The following RAB38 variants were observed in gnomAD, a reference collection of about 807,000 sequenced individuals.
RAB38 encodes ras-related protein Rab-38.
A neutral mutation model predicts 18.4 loss-of-function variants in RAB38; 15 were observed. That is an observed-to-expected ratio of 0.82 (90% CI 0.55 to 1.26). The LOEUF (loss-of-function observed/expected upper bound fraction) is 1.26, where lower values mean the gene tolerates loss of function less well. RAB38 is among the 50% of genes most tolerant of loss of function. The probability of loss-of-function intolerance (pLI) is 0.00; values close to 1 mark genes in which losing one functional copy is unlikely to be tolerated. For missense variants in RAB38, 294 were observed against 267.4 expected, an observed-to-expected ratio of 1.10 and a Z score of -0.69; for synonymous variants, 101 against 104.4, an observed-to-expected ratio of 0.97 and a Z score of 0.20.
At chr11:87,937,870 G>GTTTTTT in the RAB38 span, among the ~76,000 whole-genome samples, 2 of 92,016 alleles carry the variant, frequency 2.2e-5, no homozygotes, top group Admixed American at 1.2e-4. Flanking sequence ...TCATTGAAGT[G>GTTTTTT]TTTTTTTTTT....
chr11:87,959,515 CTA>C, the RAB38 span, among the ~76,000 whole-genome samples: 2 of 152,118 alleles, frequency 1.3e-5, no homozygotes, highest in African/African-American at 4.8e-5. Flanking sequence ...GAGCATTGTG[CTA>C]TGTGTTTCTA....
intron 2 of RAB38, among the ~76,000 whole-genome samples, chr11:88,146,523 C>A (rs1175815845): frequency 6.6e-6 from 1 of 151,984 alleles, no homozygotes; most frequent in East Asian, 2.0e-4. Flanking sequence ...TAGCTATCCC[C>A]AAAATCTACC....
At chr11:87,904,124 G>A in the RAB38 span, among the ~76,000 whole-genome samples, 2 of 151,456 alleles carry the variant, frequency 1.3e-5, no homozygotes, top group South Asian at 4.1e-4. Flanking sequence ...TTATATTCAG[G>A]AGGTACACAT....
At chr11:87,947,186 C>T in the RAB38 span, among the ~76,000 whole-genome samples, 1 of 151,938 alleles carries the variant, frequency 6.6e-6, no homozygotes, top group Non-Finnish European at 1.5e-5. Context: ...GCATAAATGT[C>T]TTCTTTTGAG....
the RAB38 span, among the ~76,000 whole-genome samples, chr11:87,883,993 G>A: frequency 6.6e-6 from 1 of 151,872 alleles, no homozygotes; most frequent in South Asian, 2.1e-4. Context: ...ATCGGTTATG[G>A]CAGAAATAGA....
chr11:88,092,162 G>A, the RAB38 span, among the ~76,000 whole-genome samples: 1 of 151,458 alleles, frequency 6.6e-6, no homozygotes, highest in African/African-American at 2.4e-5. Context: ...ATTTTGTCTG[G>A]ACTAGATCCT....
chr11:87,949,984 G>A, the RAB38 span, among the ~76,000 whole-genome samples: 4 of 152,192 alleles, frequency 2.6e-5, no homozygotes, highest in African/African-American at 7.2e-5. Flanking sequence ...AATGTTGACA[G>A]TGGGGTGTTA....
At chr11:87,905,312 T>A in the RAB38 span, among the ~76,000 whole-genome samples, 4 of 151,744 alleles carry the variant, frequency 2.6e-5, no homozygotes, top group African/African-American at 4.8e-5. Context: ...TAATAGCTAT[T>A]TTGTGTCCTG....
chr11:87,974,895 C>T, the RAB38 span, among the ~76,000 whole-genome samples: 4 of 151,862 alleles, frequency 2.6e-5, no homozygotes, highest in African/African-American at 9.7e-5. Context: ...CTAGGCCTAC[C>T]GTAACAAACT....
the RAB38 span, among the ~76,000 whole-genome samples, chr11:87,960,187 G>A: frequency 6.6e-6 from 1 of 152,050 alleles, no homozygotes. Context: ...GCAAGCATCA[G>A]AACCACCTGG....
chr11:88,087,578 A>G, the RAB38 span, among the ~76,000 whole-genome samples: 1 of 151,952 alleles, frequency 6.6e-6, no homozygotes, highest in Non-Finnish European at 1.5e-5. Context: ...CAATACGCCC[A>G]GAGTCAGGAA....
the RAB38 span, among the ~76,000 whole-genome samples, chr11:87,955,554 T>C: frequency 2.0e-5 from 3 of 152,174 alleles, no homozygotes; most frequent in Non-Finnish European, 4.4e-5. Context: ...ACTTATCCTA[T>C]AGACTCTTTT....
At chr11:87,847,425 A>G in the RAB38 span, among the ~76,000 whole-genome samples, 2 of 151,680 alleles carry the variant, frequency 1.3e-5, no homozygotes, top group East Asian at 3.9e-4. Flanking sequence ...GACATAACTT[A>G]TAAAAATTTA....
At chr11:88,068,262 T>C in the RAB38 span, among the ~76,000 whole-genome samples, 1 of 152,098 alleles carries the variant, frequency 6.6e-6, no homozygotes, top group Non-Finnish European at 1.5e-5. Context: ...ATCTCGTTGG[T>C]AATTGAGTTA....
chr11:87,947,511 T>A, the RAB38 span, among the ~76,000 whole-genome samples: 1 of 152,352 alleles, frequency 6.6e-6, no homozygotes, highest in African/African-American at 2.4e-5. Flanking sequence ...CTAGGGTTTT[T>A]ATGGTTTCAG....
At chr11:88,096,676 CA>C in the RAB38 span, among the ~76,000 whole-genome samples, 2 of 151,480 alleles carry the variant, frequency 1.3e-5, no homozygotes, top group South Asian at 4.2e-4. Context: ...AGAAAGGAAG[CA>C]GGAATGATGG....
At chr11:88,032,778 G>A in the RAB38 span, among the ~76,000 whole-genome samples, 2 of 152,204 alleles carry the variant, frequency 1.3e-5, no homozygotes, top group African/African-American at 2.4e-5. Flanking sequence ...CACTGTTGGT[G>A]GGACTGTAAA....
the RAB38 span, among the ~76,000 whole-genome samples, chr11:87,804,709 C>T: frequency 6.6e-6 from 1 of 152,090 alleles, no homozygotes; most frequent in African/African-American, 2.4e-5. Context: ...CCATCATCTC[C>T]TTCTGCTGGG....
At chr11:87,833,707 A>G in the RAB38 span, among the ~76,000 whole-genome samples, 221 of 152,358 alleles carry the variant, frequency 1.5e-3, no homozygotes, top group African/African-American at 5.1e-3. Context: ...CCTAAATGAT[A>G]GCTAACAGGT....
Sources: gnomAD v4.1 joint callset for allele counts (sites outside exome capture counted in the v4.1 genomes callset) on GRCh38, gnomAD v4.1.1 for gene constraint, MANE v1.5 for transcripts, NCBI Gene and HGNC (gene_info 2026-07-23, HGNC 2026-07-21) for gene names.